SPOCK1: variants seen among roughly 807,000 people sequenced by gnomAD.
The protein encoded by SPOCK1 is SPARC (osteonectin), cwcv and kazal like domains proteoglycan 1, also known as testican-1.
In SPOCK1, 23 loss-of-function variants were observed where a neutral mutation model predicts 55.3. The ratio of observed to expected loss-of-function variants is 0.42; its 90% confidence interval spans 0.30 to 0.59. The LOEUF is 0.59. Ranked by LOEUF, SPOCK1 falls within the 20% of genes least tolerant of loss-of-function variation. The probability of loss-of-function intolerance (pLI) is 0.22; values close to 1 mark genes in which losing one functional copy is unlikely to be tolerated. For missense variants in SPOCK1, 499 were observed against 552.5 expected, an observed-to-expected ratio of 0.90 and a Z score of 0.97; for synonymous variants, 226 against 221.0, an observed-to-expected ratio of 1.02 and a Z score of -0.20.
intron 2 of SPOCK1, among the ~76,000 whole-genome samples, chr5:137,462,262 C>A (rs1753504475): frequency 6.6e-6 from 1 of 152,188 alleles, no homozygotes; most frequent in Non-Finnish European, 1.5e-5. Flanking sequence ...TTCTCCTTGA[C>A]AGCCAGGATC....
rs1478265679 is a variant in SPOCK1, at chr5:137,170,024, G to T, written c.233-29330C>A. 2.6e-5 allele frequency among the ~76,000 whole-genome samples: 4 copies of T among 152,296 alleles called. No homozygotes were observed. In the South Asian group the frequency reaches 8.3e-4, roughly 32 times the overall value. Reference sequence around the variant, plus strand: ...CAGAAGTTAACATTCACAGAGTAATGTTGTCCTTCAGTATCCATGAGGAAT... The same window carrying T: ...CAGAAGTTAACATTCACAGAGTAATTTTGTCCTTCAGTATCCATGAGGAAT... On this transcript the variant is annotated intron_variant, in intron 3 of 10. Transcript: ENST00000394945.
intron 3 of SPOCK1, among the ~76,000 whole-genome samples, chr5:137,266,258 C>A (rs982170888): frequency 6.6e-6 from 1 of 152,200 alleles, no homozygotes; most frequent in Non-Finnish European, 1.5e-5. Flanking sequence ...GTAGGTAATA[C>A]TGTTTCATTG....
intron 3 of SPOCK1, among the ~76,000 whole-genome samples, chr5:137,203,793 C>T (rs1403623409): frequency 2.0e-5 from 3 of 152,190 alleles, no homozygotes; most frequent in Admixed American, 6.5e-5. Context: ...CACATGTAAA[C>T]AAGAAACTAC....
chr5:137,061,916 G>A (rs761617979), intron 6 of SPOCK1, among the ~76,000 whole-genome samples: 14 of 152,136 alleles, frequency 9.2e-5, no homozygotes, highest in Non-Finnish European at 1.8e-4. Flanking sequence ...ACCATCTTCA[G>A]GCTAAAGATG....
chr5:137,107,575 T>G (rs890682939), intron 5 of SPOCK1, among the ~76,000 whole-genome samples: 1 of 152,238 alleles, frequency 6.6e-6, no homozygotes, highest in African/African-American at 2.4e-5. Flanking sequence ...CTCAAGACTC[T>G]GTGCCTTTCT....
At chr5:137,229,167 T>C (rs1756003255) in intron 3 of SPOCK1, among the ~76,000 whole-genome samples, 1 of 152,146 alleles carries the variant, frequency 6.6e-6, no homozygotes, top group Non-Finnish European at 1.5e-5. Context: ...ACAGACAGAA[T>C]AAAATGATGA....
intron 3 of SPOCK1, among the ~76,000 whole-genome samples, chr5:137,171,358 A>G (rs1442030603): frequency 6.6e-6 from 1 of 152,112 alleles, no homozygotes; most frequent in East Asian, 1.9e-4. Flanking sequence ...GATCTTGCTC[A>G]TATCTATGCC....
At chr5:137,481,523 C>T (rs1336802960) in intron 2 of SPOCK1, among the ~76,000 whole-genome samples, 1 of 152,232 alleles carries the variant, frequency 6.6e-6, no homozygotes, top group African/African-American at 2.4e-5. Flanking sequence ...GCATCAACAT[C>T]TGTGTTATTT....
intron 5 of SPOCK1, among the ~76,000 whole-genome samples, chr5:137,083,417 C>T (rs1752907645): frequency 6.6e-6 from 1 of 152,202 alleles, no homozygotes; most frequent in Non-Finnish European, 1.5e-5. Flanking sequence ...ATTAACCCTC[C>T]TGTGCCTTAG....
chr5:137,404,358 T>C (rs1183702914), intron 2 of SPOCK1, among the ~76,000 whole-genome samples: 1 of 152,098 alleles, frequency 6.6e-6, no homozygotes, highest in Non-Finnish European at 1.5e-5. Flanking sequence ...TTTTTAGATG[T>C]TTTTAGATGT....
intron 4 of SPOCK1, among the ~76,000 whole-genome samples, chr5:137,136,353 T>G (rs542950434): frequency 3.3e-5 from 5 of 152,164 alleles, no homozygotes; most frequent in Non-Finnish European, 7.3e-5. Context: ...TGAGCTATGA[T>G]CGCTCCACTG....
At chr5:137,221,071 A>T (rs1056920125) in intron 3 of SPOCK1, among the ~76,000 whole-genome samples, 1 of 152,196 alleles carries the variant, frequency 6.6e-6, no homozygotes, top group African/African-American at 2.4e-5. Flanking sequence ...GAAAAACTGG[A>T]ATATAAAAAC....
chr5:137,398,983 T>G (rs1377303821), intron 2 of SPOCK1, among the ~76,000 whole-genome samples: 1 of 152,064 alleles, frequency 6.6e-6, no homozygotes, highest in African/African-American at 2.4e-5. Context: ...GCCAAATGAA[T>G]TGGAGTGAGG....
chr5:137,162,597 T>C (rs1441075875), intron 3 of SPOCK1, among the ~76,000 whole-genome samples: 1 of 152,098 alleles, frequency 6.6e-6, no homozygotes, highest in Non-Finnish European at 1.5e-5. Context: ...TGGTATCTAG[T>C]GGGTTGAGGC....
intron 3 of SPOCK1, among the ~76,000 whole-genome samples, chr5:137,237,032 C>A (rs1283006627): frequency 6.6e-5 from 10 of 152,208 alleles, no homozygotes; most frequent in Non-Finnish European, 1.2e-4. Flanking sequence ...CACAGCCACA[C>A]TGTCCTCTAT....
intron 2 of SPOCK1, among the ~76,000 whole-genome samples, chr5:137,322,592 T>C (rs1235984375): frequency 6.6e-6 from 1 of 151,940 alleles, no homozygotes; most frequent in Non-Finnish European, 1.5e-5. Context: ...TGACTGAAGC[T>C]AAGCTGATAT....
chr5:137,250,359 T>C (rs1347648242), intron 3 of SPOCK1, among the ~76,000 whole-genome samples: 4 of 152,210 alleles, frequency 2.6e-5, no homozygotes, highest in Admixed American at 6.5e-5. Context: ...TCCTGTAAGA[T>C]AGGTACAATA....
intron 2 of SPOCK1, among the ~76,000 whole-genome samples, chr5:137,458,844 G>T (rs1753421065): frequency 6.6e-6 from 1 of 152,216 alleles, no homozygotes; most frequent in Non-Finnish European, 1.5e-5. Flanking sequence ...AAATACTCAT[G>T]TCAAAATAAA....
At chr5:137,493,978 A>T (rs1754245367) in intron 2 of SPOCK1, among the ~76,000 whole-genome samples, 1 of 152,160 alleles carries the variant, frequency 6.6e-6, no homozygotes, top group Non-Finnish European at 1.5e-5. Flanking sequence ...GCCAGAAGGA[A>T]AAAGAACAGA....
Sources: gnomAD v4.1 joint callset for allele counts (sites outside exome capture counted in the v4.1 genomes callset) on GRCh38, gnomAD v4.1.1 for gene constraint, MANE v1.5 for transcripts, NCBI Gene and HGNC (gene_info 2026-07-23, HGNC 2026-07-21) for gene names.